The following ARMC10 variants were observed in gnomAD, a reference collection of about 807,000 sequenced individuals.
The protein encoded by ARMC10 is armadillo repeat-containing protein 10.
In ARMC10, 23 loss-of-function variants were observed where a neutral mutation model predicts 30.2. The ratio of observed to expected loss-of-function variants is 0.76; its 90% CI spans 0.55 to 1.08. The LOEUF (loss-of-function observed/expected upper bound fraction) is 1.08. ARMC10 is among the 50% of genes least tolerant of loss of function. The pLI, the probability that ARMC10 is intolerant of heterozygous loss-of-function variation, is 0.00. For synonymous variants in ARMC10, 111 were observed against 164.4 expected, an observed-to-expected ratio of 0.68 and a Z score of 2.48; for missense variants, 303 against 413.7, an observed-to-expected ratio of 0.73 and a Z score of 2.32.
Position 103,095,250 on chromosome 7 carries a change from C to T in ARMC10, c.706-2027C>T, listed in dbSNP as rs541063142. 1.4e-4 allele frequency among the ~76,000 whole-genome samples: 21 copies of T among 152,274 alleles called. No homozygotes were observed. The South Asian group carries it at 1.7e-3, about 12-fold the overall frequency. Reference sequence around the variant, plus strand: ...CTGGGACTTTGGTCACATGCCACCACGCCTGGCTGATTTTTGTATTTTTGG... The same window carrying T: ...CTGGGACTTTGGTCACATGCCACCATGCCTGGCTGATTTTTGTATTTTTGG... On this transcript the variant is annotated intron_variant, in intron 5 of 6. Coordinates refer to ENST00000323716, the MANE Select transcript of ARMC10 (RefSeq NM_031905.5).
At chr7:103,076,876 A>G (rs1799908930) in intron 2 of ARMC10, among the ~76,000 whole-genome samples, 2 of 152,308 alleles carry the variant, frequency 1.3e-5, no homozygotes, top group Non-Finnish European at 2.9e-5. Context: ...TTTGTATCAA[A>G]GAAGCAGAAA....
At chr7:103,090,943 C>A (rs1801261938) in intron 4 of ARMC10, among the ~76,000 whole-genome samples, 1 of 151,550 alleles carries the variant, frequency 6.6e-6, no homozygotes, top group Non-Finnish European at 1.5e-5. Context: ...CATTGCTTTA[C>A]TGCCATTTAG....
In ARMC10 at chr7:103,098,735, T is replaced by G; in HGVS notation, c.*182T>G. On this transcript the variant is annotated 3_prime_UTR_variant, in exon 7 of 7. Coordinates refer to ENST00000323716, the MANE Select transcript of ARMC10 (RefSeq NM_031905.5). ...GGACTATTTTGATGCCAAGTGAATA[T>G]AAGAGCTTGTACTGAAACCATTTAT... 1 of 857,410 alleles carries G rather than the reference T, an allele frequency of 1.2e-6. No individual in the cohort carries two copies. Among genetic ancestry groups the G allele is most frequent in the Non-Finnish European group, 1.7e-6 (1 of 586,790 alleles). The allele number at this position is 857,410 out of a possible 1,614,324, so 53.1% of individuals were successfully genotyped here.
chr7:103,081,444 T>C (rs967742926), intron 2 of ARMC10, among the ~76,000 whole-genome samples: 1 of 152,230 alleles, frequency 6.6e-6, no homozygotes, highest in Non-Finnish European at 1.5e-5. Context: ...CAATCTCAGC[T>C]TACTGCAACC....
At chr7:103,084,239 A>G (rs992106876) in intron 3 of ARMC10, among the ~76,000 whole-genome samples, 1 of 152,212 alleles carries the variant, frequency 6.6e-6, no homozygotes, top group African/African-American at 2.4e-5. Context: ...TCTGATAACC[A>G]CTAATCAATG....
At chr7:103,090,501 T>A (rs1801217025) in intron 4 of ARMC10, among the ~76,000 whole-genome samples, 1 of 152,062 alleles carries the variant, frequency 6.6e-6, no homozygotes, top group Non-Finnish European at 1.5e-5. Flanking sequence ...TCTTTATTTT[T>A]GTTTGTTTTT....
chr7:103,097,450 C>A (rs1801849665), intron 6 of ARMC10, 102 bp downstream of exon 6: 1 of 859,030 alleles, frequency 1.2e-6, no homozygotes, highest in Non-Finnish European at 1.8e-6. Context: ...CAGGGATTCT[C>A]TCTGAGGAGC....
intron 2 of ARMC10, among the ~76,000 whole-genome samples, chr7:103,076,664 A>G (rs1799873521): frequency 6.6e-6 from 1 of 152,148 alleles, no homozygotes; most frequent in South Asian, 2.1e-4. Flanking sequence ...GGGAAGCCCC[A>G]TCTCTACTAA....
chr7:103,085,965 T>C (rs769409740), intron 3 of ARMC10, among the ~76,000 whole-genome samples: 2 of 152,184 alleles, frequency 1.3e-5, no homozygotes, highest in Admixed American at 6.5e-5. Flanking sequence ...AAGATATCAG[T>C]GCGTTCCCAC....
At chr7:103,082,139 T>C (rs953581343) in intron 2 of ARMC10, among the ~76,000 whole-genome samples, 3 of 152,342 alleles carry the variant, frequency 2.0e-5, no homozygotes, top group Admixed American at 2.0e-4. Flanking sequence ...TATAAGGTGT[T>C]AATGAGGCCA....
intron 5 of ARMC10, chr7:103,096,150 A>T (rs568970557): frequency 1.5e-3 from 222 of 152,350 alleles, no homozygotes; most frequent in African/African-American, 4.8e-3. Flanking sequence ...GTTATAAGTG[A>T]TAAGAATGCT....
At chr7:103,079,569 C>T (rs548332678) in intron 2 of ARMC10, among the ~76,000 whole-genome samples, 1 of 152,250 alleles carries the variant, frequency 6.6e-6, no homozygotes, top group South Asian at 2.1e-4. Context: ...GATAAGAAAA[C>T]AACATGCATA....
At chr7:103,079,104 T>C (rs1292113943) in intron 2 of ARMC10, among the ~76,000 whole-genome samples, 1 of 152,178 alleles carries the variant, frequency 6.6e-6, no homozygotes, top group Non-Finnish European at 1.5e-5. Context: ...TCTAACGTCA[T>C]AACCTGACAA....
In ARMC10 at chr7:103,092,622, A is replaced by G; in HGVS notation, c.674A>G (p.Gln225Arg). The change falls in exon 5 of 7, where the codon CAG becomes CGG. Residue 225 changes from glutamine (Q) to arginine (R), a missense_variant. Transcript: ENST00000323716. The part of the protein sequence containing the change: ...MLHSYITDLF[Q>R]VLLTGNGNTK... ...CACAGTTACATTACAGACCTGTTCCAGGTGTTACTTACTGGAAATGGAAAC... is the reference window on the plus strand; with the variant it reads ...CACAGTTACATTACAGACCTGTTCCGGGTGTTACTTACTGGAAATGGAAAC... 6.3e-7 allele frequency: 1 copy of G among 1,583,356 alleles called. No individual in the cohort carries two copies. Among genetic ancestry groups the G allele is most frequent in the Non-Finnish European group, 8.7e-7 (1 of 1,155,452 alleles).
Position 103,075,332 on chromosome 7 carries a change from C to G in ARMC10, c.60C>G (p.Ala20=), listed in dbSNP as rs1260591943. The change falls in exon 1 of 7, where the codon GCC becomes GCG. Residue 20 remains alanine, a synonymous_variant. Coordinates refer to ENST00000323716, the MANE Select transcript of ARMC10 (RefSeq NM_031905.5). The part of the protein sequence containing the change: ...VAAGLLLGAG[A]CYCIYRLTRG... ...CGGGCCTGCTGCTCGGCGCGGGCGC[C>G]TGCTACTGCATTTACAGGCTGACCC... 1.6e-6 allele frequency: 2 copies of G among 1,251,244 alleles called. No homozygotes were observed. The highest frequency in any genetic ancestry group is 3.1e-5 in the African/African-American group (2 of 65,300). 77.5% of individuals were successfully genotyped at this position (1,251,244 alleles called of 1,614,324 possible).
rs553957098 is a variant in ARMC10, at chr7:103,083,732, C to A, written c.295C>A (p.Gln99Lys). ...YDDVLNAEQL[Q>K]KLLYLLESTE... The stretch of plus-strand genomic sequence containing the variant: ...TGATGTTCTAAATGCTGAACAACTT[C>A]AGAAACTCCTTTACCTGCTGGAGTC... Residue 99 changes from glutamine to lysine, a missense_variant, in exon 3 of 7, where the codon CAG (glutamine) becomes AAG (lysine). Around this residue, in one of 4 missense-constraint regions of ARMC10, gnomAD observed 170 missense variants for 207.2 expected, o/e 0.82. Transcript: ENST00000323716. 6.2e-6 allele frequency: 10 copies of A among 1,613,640 alleles called. No homozygotes were observed. In the East Asian group the frequency reaches 2.2e-4, roughly 36 times the overall value.
chr7:103,088,703 G>C (rs1413872280), intron 4 of ARMC10: 2 of 200,188 alleles, frequency 1.0e-5, no homozygotes, highest in Non-Finnish European at 2.3e-5. Context: ...CCCCATTGCC[G>C]TGAGAGATAT....
chr7:103,097,295 C>T lies in ARMC10; in HGVS notation c.724C>T (p.Leu242Phe). The change falls in exon 6 of 7, where the codon CTT becomes TTT. Residue 242 changes from leucine (L) to phenylalanine (F), a missense_variant. By Grantham distance (22) the Leu-to-Phe change is conservative. This residue lies in a region of ARMC10 where 170 missense variants were observed against 207.2 expected (regional missense o/e 0.82). Transcript: ENST00000323716. Reference sequence around the variant, plus strand: ...CTTTCAGGTGCAAGTTTTGAAACTGCTTTTGAATTTGTCTGAAAATCCAGC... The same window carrying T: ...CTTTCAGGTGCAAGTTTTGAAACTGTTTTTGAATTTGTCTGAAAATCCAGC... ...GNTKVQVLKL[L>F]LNLSENPAMT... 1 of 1,613,876 alleles carries T rather than the reference C, an allele frequency of 6.2e-7. No individual in the cohort carries two copies. Among genetic ancestry groups the T allele is most frequent in the Non-Finnish European group, 8.5e-7 (1 of 1,179,900 alleles).
chr7:103,078,161 A>AT (rs1215536817), intron 2 of ARMC10, among the ~76,000 whole-genome samples: 4 of 151,816 alleles, frequency 2.6e-5, no homozygotes, highest in African/African-American at 9.7e-5. Context: ...TGCCTGGCGA[A>AT]TTTTTTTTGT....
Sources: gnomAD v4.1 joint callset for allele counts (sites outside exome capture counted in the v4.1 genomes callset) on GRCh38, gnomAD v4.1.1 for gene constraint, gnomAD v4.1.1 regional missense constraint, MANE v1.5 for transcripts, NCBI Gene and HGNC (gene_info 2026-07-23, HGNC 2026-07-21) for gene names.